Variants in DCLK1 observed in about 807,000 individuals in gnomAD.
The protein encoded by DCLK1 is serine/threonine-protein kinase DCLK1.
A neutral mutation model predicts 86.2 loss-of-function variants in DCLK1; 16 were observed. The observed-to-expected ratio is 0.19, with a 90% CI of 0.13 to 0.28. The LOEUF (loss-of-function observed/expected upper bound fraction) is 0.28, where lower values mean the gene tolerates loss of function less well. DCLK1 is among the 10% of genes least tolerant of loss of function. The pLI, the probability that DCLK1 is intolerant of heterozygous loss-of-function variation, is 1.00. For synonymous variants in DCLK1, 369 were observed against 370.5 expected, an observed-to-expected ratio of 1.00 and a Z score of 0.05; for missense variants, 590 against 940.2, an observed-to-expected ratio of 0.63 and a Z score of 4.87.
intron 4 of DCLK1, among the ~76,000 whole-genome samples, chr13:35,918,892 G>GATTTTTTTTTTTTTT (rs1875600883): frequency 1.3e-5 from 1 of 76,310 alleles, no homozygotes; most frequent in Non-Finnish European, 2.5e-5. Context: ...TTCTGAGTGT[G>GATTTTTTTTTTTTTT]TTTTTTTTTT....
chr13:35,819,150 T>G (rs1405739217), intron 11 of DCLK1, among the ~76,000 whole-genome samples: 1 of 152,122 alleles, frequency 6.6e-6, no homozygotes, highest in Non-Finnish European at 1.5e-5. Context: ...ACAAGAACCA[T>G]GTAAAATCAT....
chr13:36,091,473 T>C (rs924970131), intron 3 of DCLK1, among the ~76,000 whole-genome samples: 1 of 152,226 alleles, frequency 6.6e-6, no homozygotes, highest in Non-Finnish European at 1.5e-5. Flanking sequence ...TCCTCAATAC[T>C]TGGCACGTAA....
At chr13:35,876,021 C>T (rs1234447105) in intron 4 of DCLK1, among the ~76,000 whole-genome samples, 2 of 152,100 alleles carry the variant, frequency 1.3e-5, no homozygotes, top group African/African-American at 4.8e-5. Context: ...AAATGTCTAT[C>T]GGTGTCCATG....
At chr13:36,045,330 G>A (rs867996042) in intron 3 of DCLK1, among the ~76,000 whole-genome samples, 1,024 of 56,180 alleles carry the variant, frequency 0.018, 8 homozygotes, top group Non-Finnish European at 0.026. Flanking sequence ...GTGTGTGTGT[G>A]TGTATATATA....
intron 3 of DCLK1, among the ~76,000 whole-genome samples, chr13:36,048,669 A>G (rs1883016488): frequency 6.6e-6 from 1 of 152,178 alleles, no homozygotes; most frequent in Non-Finnish European, 1.5e-5. Flanking sequence ...CACACTAGAA[A>G]CAGCACTAAA....
chr13:35,847,040 A>G, intron 6 of DCLK1: 2 of 985,242 alleles, frequency 2.0e-6, no homozygotes, highest in Non-Finnish European at 2.4e-6. Flanking sequence ...ATTTTTTTAG[A>G]GTATAGTGAT....
At chr13:35,787,144 A>G (rs1357650330) in intron 16 of DCLK1, among the ~76,000 whole-genome samples, 1 of 151,594 alleles carries the variant, frequency 6.6e-6, no homozygotes, top group South Asian at 2.1e-4. Flanking sequence ...TTATATGTGC[A>G]TATATACACA....
intron 3 of DCLK1, among the ~76,000 whole-genome samples, chr13:35,959,337 C>G (rs1343408225): frequency 6.6e-6 from 1 of 152,096 alleles, no homozygotes. Flanking sequence ...GTAACATACA[C>G]AGTGAAGTGG....
intron 6 of DCLK1, among the ~76,000 whole-genome samples, chr13:35,844,246 T>G (rs1870017374): frequency 1.3e-5 from 2 of 152,200 alleles, no homozygotes; most frequent in Admixed American, 1.3e-4. Context: ...TTTGGATAAT[T>G]TTTTCAAAAG....
intron 3 of DCLK1, among the ~76,000 whole-genome samples, chr13:36,065,825 A>T (rs1285804653): frequency 6.6e-6 from 1 of 152,238 alleles, no homozygotes; most frequent in Non-Finnish European, 1.5e-5. Context: ...AATGGAAAAA[A>T]TACTTATGCC....
intron 4 of DCLK1, among the ~76,000 whole-genome samples, chr13:35,892,922 A>G (rs1873731249): frequency 6.6e-6 from 1 of 152,244 alleles, no homozygotes; most frequent in Admixed American, 6.5e-5. Context: ...AGCCCTTGGT[A>G]TCCCAGAGGA....
At chr13:35,882,873 T>C (rs1872999546) in intron 4 of DCLK1, among the ~76,000 whole-genome samples, 1 of 152,166 alleles carries the variant, frequency 6.6e-6, no homozygotes, top group Non-Finnish European at 1.5e-5. Flanking sequence ...GCGGAGGAAA[T>C]GAGCCTTAAA....
At position 35,774,195 on chromosome 13, in the gene DCLK1, T is replaced by G. The variant is rs1482318509; in HGVS notation, c.*340A>C. On this transcript the variant is annotated 3_prime_UTR_variant, in exon 17 of 17. Coordinates refer to ENST00000360631, the MANE Select transcript of DCLK1 (RefSeq NM_001330071.2). ...TCCCAAACAAGAATTCTCAATAAAATTCTATGCACTCAGAGGGTTAACAAG... is the reference window on the plus strand; with the variant it reads ...TCCCAAACAAGAATTCTCAATAAAAGTCTATGCACTCAGAGGGTTAACAAG... 1.1e-5 allele frequency: 2 copies of G among 188,080 alleles called. No homozygotes were observed. Among genetic ancestry groups the G allele is most frequent in the Admixed American group, 1.1e-4 (2 of 18,248 alleles). The allele number at this position is 188,080 out of a possible 1,614,324, so 11.7% of individuals were successfully genotyped here.
chr13:35,947,536 G>T, intron 3 of DCLK1, 79 bp from the exon 4 acceptor site: 2 of 1,166,472 alleles, frequency 1.7e-6, no homozygotes, highest in Non-Finnish European at 2.5e-6. Context: ...GCAGACATCT[G>T]CATAAAGCCC....
At chr13:35,996,945 T>G (rs1172508462) in intron 3 of DCLK1, among the ~76,000 whole-genome samples, 1 of 152,220 alleles carries the variant, frequency 6.6e-6, no homozygotes, top group Non-Finnish European at 1.5e-5. Context: ...CTCTGATTCC[T>G]GTGTTATTTA....
intron 16 of DCLK1, among the ~76,000 whole-genome samples, chr13:35,779,888 A>G (rs2086493635): frequency 1.3e-5 from 2 of 152,176 alleles, no homozygotes; most frequent in South Asian, 2.1e-4. Flanking sequence ...GGGACAGATG[A>G]AGTTACCAAG....
At chr13:35,787,087 A>T (rs965381631) in intron 16 of DCLK1, among the ~76,000 whole-genome samples, 11 of 149,366 alleles carry the variant, frequency 7.4e-5, no homozygotes, top group Admixed American at 1.3e-4. Flanking sequence ...TATATATATT[A>T]TATATATATA....
rs1300275237 is a variant in DCLK1, at chr13:35,901,654, C to A, written c.824-30314G>T. The stretch of plus-strand genomic sequence containing the variant: ...CTCCCTTTGCGTGTTCTCTTACAGG[C>A]CTCCTCTCTTAGACCCTGGCCCAGC... On this transcript the variant is annotated intron_variant, in intron 4 of 16. Transcript: ENST00000360631. Among the ~76,000 whole-genome samples, 3 of 152,030 alleles carry A rather than the reference C, an allele frequency of 2.0e-5. No homozygotes were observed. In the East Asian group the frequency reaches 5.8e-4, roughly 29 times the overall value.
chr13:35,784,925 C>T (rs1324951767), intron 16 of DCLK1, among the ~76,000 whole-genome samples: 2 of 152,118 alleles, frequency 1.3e-5, no homozygotes, highest in African/African-American at 4.8e-5. Flanking sequence ...CTCAAACCTG[C>T]ACGGAGCAAG....
Sources: allele counts gnomAD v4.1 joint callset (sites outside exome capture counted in the v4.1 genomes callset), GRCh38; gene constraint gnomAD v4.1.1; transcripts MANE v1.5; gene names NCBI Gene and HGNC (gene_info 2026-07-23, HGNC 2026-07-21).